CNTNAP2: variants seen among roughly 807,000 people sequenced by gnomAD.
CNTNAP2 encodes contactin associated protein 2.
CNTNAP2 carries 98 observed loss-of-function variants against 155.2 expected under a neutral mutation model. That is an observed-to-expected ratio of 0.63 (90% CI 0.54 to 0.75). The LOEUF (loss-of-function observed/expected upper bound fraction) is 0.75. CNTNAP2 is among the 30% of genes least tolerant of loss of function. CNTNAP2 has a pLI of 0.00. For missense variants in CNTNAP2, 1,727 were observed against 1,688.1 expected (o/e 1.02, Z -0.40); for synonymous variants, 651 against 631.2 (o/e 1.03, Z -0.47).
intron 14 of CNTNAP2, among the ~76,000 whole-genome samples, chr7:147,948,597 G>A (rs367878589): frequency 6.8e-6 from 1 of 147,200 alleles, no homozygotes; most frequent in Non-Finnish European, 1.5e-5. Flanking sequence ...ATACACACAA[G>A]CATATATGTA....
At chr7:147,062,003 C>T (rs1799687070) in intron 4 of CNTNAP2, among the ~76,000 whole-genome samples, 1 of 151,358 alleles carries the variant, frequency 6.6e-6, no homozygotes, top group Non-Finnish European at 1.5e-5. Context: ...TGGCGGGCGC[C>T]TGTAGTCCCA....
intron 15 of CNTNAP2, among the ~76,000 whole-genome samples, chr7:147,995,662 C>T (rs1054797060): frequency 5.3e-5 from 8 of 151,960 alleles, no homozygotes; most frequent in Admixed American, 1.3e-4. Context: ...TACAGGCGCC[C>T]GCCACCATGC....
intron 3 of CNTNAP2, among the ~76,000 whole-genome samples, chr7:146,993,389 A>G (rs1222680225): frequency 6.6e-6 from 1 of 152,108 alleles, no homozygotes; most frequent in Non-Finnish European, 1.5e-5. Flanking sequence ...TGAACCTAGA[A>G]GGTCATATAA....
chr7:148,345,869 T>A (rs947601790), intron 21 of CNTNAP2, among the ~76,000 whole-genome samples: 4 of 152,188 alleles, frequency 2.6e-5, no homozygotes, highest in African/African-American at 9.7e-5. Flanking sequence ...TGGTGTGACA[T>A]TTGATGTAAA....
intron 9 of CNTNAP2, among the ~76,000 whole-genome samples, chr7:147,319,120 T>A (rs1795294420): frequency 6.6e-6 from 1 of 152,192 alleles, no homozygotes; most frequent in Non-Finnish European, 1.5e-5. Flanking sequence ...TTCTTTTTTG[T>A]CATTGGTGAG....
At chr7:148,248,709 A>T (rs1796317839) in intron 20 of CNTNAP2, among the ~76,000 whole-genome samples, 1 of 152,192 alleles carries the variant, frequency 6.6e-6, no homozygotes, top group African/African-American at 2.4e-5. Context: ...TGTTAGGAAC[A>T]TTTGCATACA....
intron 12 of CNTNAP2, among the ~76,000 whole-genome samples, chr7:147,564,105 G>A (rs542169084): frequency 1.3e-5 from 2 of 152,200 alleles, no homozygotes; most frequent in African/African-American, 4.8e-5. Context: ...GGAGGTTCGA[G>A]GCTGCAGTGA....
chr7:147,181,156 G>A (rs113040940), intron 8 of CNTNAP2, among the ~76,000 whole-genome samples: 90 of 152,254 alleles, frequency 5.9e-4, no homozygotes, highest in Non-Finnish European at 1.2e-3. Flanking sequence ...GCTGACTTTA[G>A]GAAGGTTAAC....
intron 16 of CNTNAP2, chr7:148,133,905 G>A (rs913588580): frequency 2.6e-5 from 4 of 152,232 alleles, no homozygotes; most frequent in East Asian, 1.9e-4. Context: ...ATTGAAGGAT[G>A]ACAGGCAAAA....
chr7:147,160,819 A>T (rs954373729), intron 8 of CNTNAP2, among the ~76,000 whole-genome samples: 1 of 152,170 alleles, frequency 6.6e-6, no homozygotes, highest in Non-Finnish European at 1.5e-5. Context: ...CAGAATGCTC[A>T]AATGCACAGA....
At position 148,049,581 on chromosome 7, in the gene CNTNAP2, A is replaced by G. The variant is rs557362797; in HGVS notation, c.2384-68537A>G. 3.3e-4 allele frequency among the ~76,000 whole-genome samples: 51 copies of G among 152,314 alleles called. 1 individual carries two copies. The highest frequency in any genetic ancestry group is 2.3e-3 in the Admixed American group (35 of 15,300). On this transcript the variant is annotated intron_variant, in intron 15 of 23. Coordinates refer to ENST00000361727, the MANE Select transcript of CNTNAP2 (RefSeq NM_014141.6). ...GTTTAGTCGACAGTGGACCGCACAG[A>G]TAACAGCAGTTCCATAAGATTATAG...
intron 1 of CNTNAP2, among the ~76,000 whole-genome samples, chr7:146,457,481 A>AATATATATATATAT (rs200909725): frequency 2.3e-5 from 2 of 87,308 alleles, no homozygotes; most frequent in African/African-American, 5.2e-5. Context: ...TTCAAAAATG[A>AATATATATATATAT]ATATATATAT....
chr7:147,774,673 T>C (rs1251891098), intron 13 of CNTNAP2, among the ~76,000 whole-genome samples: 1 of 152,150 alleles, frequency 6.6e-6, no homozygotes, highest in Non-Finnish European at 1.5e-5. Context: ...AAGGTGGCCA[T>C]CTGCACATAA....
chr7:147,766,232 A>G (rs1797381617), intron 13 of CNTNAP2, among the ~76,000 whole-genome samples: 1 of 152,206 alleles, frequency 6.6e-6, no homozygotes, highest in Admixed American at 6.5e-5. Flanking sequence ...TTACACTTCA[A>G]TAAAGCTGAT....
intron 3 of CNTNAP2, among the ~76,000 whole-genome samples, chr7:146,880,126 G>GT (rs1425580732): frequency 2.0e-5 from 3 of 151,976 alleles, no homozygotes; most frequent in African/African-American, 7.2e-5. Flanking sequence ...TGAGATTTGG[G>GT]TGGGGACACA....
intron 3 of CNTNAP2, among the ~76,000 whole-genome samples, chr7:147,009,660 A>G (rs1798589413): frequency 6.6e-6 from 1 of 152,198 alleles, no homozygotes; most frequent in African/African-American, 2.4e-5. Flanking sequence ...TAGGGAAAAT[A>G]TAGAATAGCT....
intron 10 of CNTNAP2, among the ~76,000 whole-genome samples, chr7:147,474,352 G>C (rs548312091): frequency 6.6e-6 from 1 of 152,086 alleles, no homozygotes; most frequent in Non-Finnish European, 1.5e-5. Flanking sequence ...CCAACACTTT[G>C]GGAGGCCAAG....
chr7:146,381,519 C>T (rs1795389412), intron 1 of CNTNAP2, among the ~76,000 whole-genome samples: 1 of 152,048 alleles, frequency 6.6e-6, no homozygotes, highest in African/African-American at 2.4e-5. Flanking sequence ...ATAACAGTAC[C>T]TACCTTGTAA....
At chr7:147,706,980 TG>T (rs1796325939) in intron 13 of CNTNAP2, among the ~76,000 whole-genome samples, 1 of 152,184 alleles carries the variant, frequency 6.6e-6, no homozygotes, top group Non-Finnish European at 1.5e-5. Context: ...AATTTCTGTT[TG>T]GTCCTTTTCT....
Sources: allele counts gnomAD v4.1 joint callset (sites outside exome capture counted in the v4.1 genomes callset), GRCh38; gene constraint gnomAD v4.1.1; transcripts MANE v1.5; gene names NCBI Gene and HGNC (gene_info 2026-07-23, HGNC 2026-07-21).